The following LGALS12 variants were observed in gnomAD, a reference collection of about 807,000 sequenced individuals.
LGALS12 encodes galectin 12.
LGALS12 carries 36 observed loss-of-function variants against 36.8 expected under a neutral mutation model. The observed-to-expected ratio is 0.98, with a 90% confidence interval of 0.75 to 1.29. The LOEUF (loss-of-function observed/expected upper bound fraction) is 1.29. LGALS12 is among the 50% of genes most tolerant of loss of function. The pLI is 0.00. For missense variants in LGALS12, 366 were observed against 394.3 expected, an observed-to-expected ratio of 0.93 and a Z score of 0.61; for synonymous variants, 145 against 155.9, an observed-to-expected ratio of 0.93 and a Z score of 0.52.
Position 63,508,902 on chromosome 11 carries a change from T to C in LGALS12, c.283T>C (p.Trp95Arg), listed in dbSNP as rs554751995. Residue 95 changes from tryptophan (W) to arginine (R), a missense_variant, in exon 3 of 9, where the codon TGG becomes CGG. Coordinates refer to ENST00000394618, the MANE Select transcript of LGALS12 (RefSeq NM_033101.4). ...VICNTLHGGRWQREARWPHLA... is the reference protein window; with the variant it reads ...VICNTLHGGRRQREARWPHLA... Reference sequence around the variant, plus strand: ...CTGCAACACCCTGCATGGTGGACGCTGGCAAAGGGAGGCCCGGTGGCCCCA... The same window carrying C: ...CTGCAACACCCTGCATGGTGGACGCCGGCAAAGGGAGGCCCGGTGGCCCCA... 1.9e-5 allele frequency: 31 copies of C among 1,614,224 alleles called. No homozygotes were observed. The African/African-American group carries it at 2.7e-4, about 14-fold the overall frequency.
At position 63,506,155 on chromosome 11, in the gene LGALS12, G is replaced by A; in HGVS notation, c.-304G>A. 1 of 522,450 alleles carries A rather than the reference G, an allele frequency of 1.9e-6. No individual in the cohort carries two copies. The highest frequency in any genetic ancestry group is 3.4e-6 in the Non-Finnish European group (1 of 291,396). The allele number at this position is 522,450 out of a possible 1,614,324, so 32.4% of individuals were successfully genotyped here. Reference sequence around the variant, plus strand: ...GCAATGGCCATGTGCTGCAGACCCGGAGTGGGTAGTTAGTTGGTTAATGCC... The same window carrying A: ...GCAATGGCCATGTGCTGCAGACCCGAAGTGGGTAGTTAGTTGGTTAATGCC... On this transcript the variant is annotated 5_prime_UTR_variant, in exon 1 of 9. Transcript: ENST00000394618.
intron 1 of LGALS12, 180 bp from the exon 2 acceptor site, chr11:63,508,373 G>C: frequency 7.0e-7 from 1 of 1,438,742 alleles, no homozygotes; most frequent in Non-Finnish European, 9.1e-7. Context: ...TGACGGTCCA[G>C]GAAAGGGGAT....
intron 1 of LGALS12, 100 bp downstream of exon 1, chr11:63,506,627 T>A: frequency 6.7e-6 from 10 of 1,487,248 alleles, no homozygotes; most frequent in Non-Finnish European, 9.2e-6. Flanking sequence ...GACCTCAGTC[T>A]TTCTGCTTCT....
chr11:63,512,692 G>T (rs561349854), intron 7 of LGALS12, among the ~76,000 whole-genome samples: 1 of 151,632 alleles, frequency 6.6e-6, no homozygotes, highest in Admixed American at 6.6e-5. Flanking sequence ...AGGAGGCTGA[G>T]GCAGGAGAAT....
At chr11:63,509,131 C>A in intron 3 of LGALS12, 140 bp downstream of exon 3, 1 of 726,988 alleles carries the variant, frequency 1.4e-6, no homozygotes, top group Non-Finnish European at 2.3e-6. Flanking sequence ...GCTGCCATGC[C>A]CGGTTCCAGG....
rs2120356196 is a variant in LGALS12 at position 63,508,541 on chromosome 11, T to C, written c.70-12T>C. On this transcript the variant is annotated splice_polypyrimidine_tract_variant and intron_variant, in intron 1 of 8. Transcript: ENST00000394618. ...TCCAAACCTGCATGGATGAGTTTCT[T>C]TTCTTGTTCAGGTGGTTCCTTATGT... 1 of 1,614,114 alleles carries C rather than the reference T, an allele frequency of 6.2e-7. No homozygotes were observed. The highest frequency in any genetic ancestry group is 8.5e-7 in the Non-Finnish European group (1 of 1,179,986).
Position 63,507,985 on chromosome 11 carries a change from C to T in LGALS12, c.70-568C>T, listed in dbSNP as rs528582327. ...ACTCCTGACCTCAAGTTGATCCACCCGCCTCAGCTTCCCAGAGTGCTGAGA... is the reference window on the plus strand; with the variant it reads ...ACTCCTGACCTCAAGTTGATCCACCTGCCTCAGCTTCCCAGAGTGCTGAGA... On this transcript the variant is annotated intron_variant, in intron 1 of 8. Coordinates refer to ENST00000394618, the MANE Select transcript of LGALS12 (RefSeq NM_033101.4). 8 of 977,404 alleles carry T rather than the reference C, an allele frequency of 8.2e-6. No individual in the cohort carries two copies. The African/African-American group carries it at 8.8e-5, about 11-fold the overall frequency. The allele number at this position is 977,404 out of a possible 1,614,324, so 60.5% of individuals were successfully genotyped here. A position where few individuals can be genotyped will look rare whatever the true frequency, so the allele number is the denominator to read the frequency against.
At chr11:63,509,738 C>T (rs1364395178) in intron 3 of LGALS12, 40 bp from the exon 4 acceptor site, 1 of 1,609,806 alleles carries the variant, frequency 6.2e-7, no homozygotes, top group Admixed American at 1.7e-5. Flanking sequence ...ACTCAATGAA[C>T]ATTAGCTGCT....
In LGALS12 at chr11:63,515,688, T is replaced by C. The variant is rs141901200; in HGVS notation, c.773T>C (p.Leu258Pro). The C allele has an allele frequency of 1.2e-4, 193 of 1,614,184 alleles. No homozygotes were observed. The African/African-American group carries it at 2.2e-3, about 18-fold the overall frequency. ...GQKKLISAPFLFYPQRFFEVL... is the reference protein window; with the variant it reads ...GQKKLISAPFPFYPQRFFEVL... ...AAGAAACTGATCTCAGCCCCCTTCC[T>C]CTTTTACCCCCAGAGATTCTTTGAG... is the stretch of plus-strand genomic sequence containing the variant. The change falls in exon 8 of 9, where the codon CTC becomes CCC. Residue 258 changes from leucine to proline, a missense_variant. Coordinates refer to ENST00000394618, the MANE Select transcript of LGALS12 (RefSeq NM_033101.4).
At chr11:63,507,982 A>T in intron 1 of LGALS12, 1 of 973,212 alleles carries the variant, frequency 1.0e-6, no homozygotes, top group East Asian at 1.1e-4. Flanking sequence ...AAGTTGATCC[A>T]CCCGCCTCAG....
intron 7 of LGALS12, 61 bp downstream of exon 7, chr11:63,511,901 A>G (rs777873551): frequency 3.5e-5 from 36 of 1,021,470 alleles, no homozygotes; most frequent in Non-Finnish European, 5.0e-5. Context: ...GTCACATGCT[A>G]TAAAACATCA....
At chr11:63,509,717 C>T (rs761216442) in intron 3 of LGALS12, 61 bp from the exon 4 acceptor site, 29 of 1,584,476 alleles carry the variant, frequency 1.8e-5, no homozygotes, top group Non-Finnish European at 2.4e-5. Flanking sequence ...ATGCCTGGGA[C>T]ATTGTTATGA....
chr11:63,516,143 C>A, intron 8 of LGALS12, 104 bp from the exon 9 acceptor site: 1 of 1,428,776 alleles, frequency 7.0e-7, no homozygotes. Context: ...TGGGTCCAGT[C>A]TTCGTGTCCT....
intron 8 of LGALS12, 116 bp downstream of exon 8, chr11:63,515,829 C>A (rs1005301846): frequency 3.7e-6 from 4 of 1,085,380 alleles, no homozygotes; most frequent in African/African-American, 1.6e-5. Context: ...GGGTGGGAGG[C>A]CAGAGCCAGC....
rs767164616 is a variant in LGALS12, at chr11:63,508,828, T to A, written c.209T>A (p.Ile70Asn). 1.2e-6 allele frequency: 2 copies of A among 1,614,194 alleles called. No individual in the cohort carries two copies. Among genetic ancestry groups the A allele is most frequent in the South Asian group, 2.2e-5 (2 of 91,084 alleles). Residue 70 changes from isoleucine to asparagine, a missense_variant, in exon 3 of 9, where the codon ATC (isoleucine) becomes AAC (asparagine). Ile to Asn is a moderately radical substitution (Grantham distance 149, BLOSUM62 -3). Coordinates refer to ENST00000394618, the MANE Select transcript of LGALS12 (RefSeq NM_033101.4). ...CGCSLCPRPD[I>N]AFHFNPRFHT... ...TGCAGCCTGTGTCCCCGGCCAGATA[T>A]CGCCTTCCACTTCAACCCTCGCTTC...
chr11:63,508,328 A>C, intron 1 of LGALS12: 3 of 1,389,866 alleles, frequency 2.2e-6, no homozygotes, highest in Non-Finnish European at 1.9e-6. Flanking sequence ...AGGGAGCGGA[A>C]TTTGACTTCT....
At chr11:63,511,590 A>G (rs2016922932) in intron 6 of LGALS12, among the ~76,000 whole-genome samples, 162 bp from the exon 7 acceptor site, 1 of 152,180 alleles carries the variant, frequency 6.6e-6, no homozygotes, top group Non-Finnish European at 1.5e-5. Flanking sequence ...TTCGGCAATA[A>G]CAGAGTACAG....
At chr11:63,513,793 A>G (rs1392693295) in intron 7 of LGALS12, among the ~76,000 whole-genome samples, 1 of 152,006 alleles carries the variant, frequency 6.6e-6, no homozygotes, top group Non-Finnish European at 1.5e-5. Context: ...GTGGGAGTGT[A>G]TGACTGCAGC....
In LGALS12 at chr11:63,516,669, T is replaced by C. The variant is rs1023426201; in HGVS notation, c.*276T>C. On this transcript the variant is annotated 3_prime_UTR_variant, in exon 9 of 9. Coordinates refer to ENST00000394618, the MANE Select transcript of LGALS12 (RefSeq NM_033101.4). Reference sequence around the variant, plus strand: ...ACTGCACTCACAGAGGCAAGTGTTGTAGACTAACAAAGATACTCCAAAATA... The same window carrying C: ...ACTGCACTCACAGAGGCAAGTGTTGCAGACTAACAAAGATACTCCAAAATA... 2.6e-4 allele frequency: 120 copies of C among 468,066 alleles called. No individual in the cohort carries two copies. The highest frequency in any genetic ancestry group is 4.2e-4 in the Non-Finnish European group (111 of 262,438). The allele number at this position is 468,066 out of a possible 1,614,324, so 29.0% of individuals were successfully genotyped here. A position where few individuals can be genotyped will look rare whatever the true frequency, so the allele number is the denominator to read the frequency against.
Sources: gnomAD v4.1 joint callset for allele counts (sites outside exome capture counted in the v4.1 genomes callset) on GRCh38, gnomAD v4.1.1 for gene constraint, MANE v1.5 for transcripts, NCBI Gene and HGNC (gene_info 2026-07-23, HGNC 2026-07-21) for gene names.